Variants in GPR39 observed in about 807,000 individuals in gnomAD.
GPR39 encodes zinc sensing receptor.
In GPR39, 23 loss-of-function variants were observed where a neutral mutation model predicts 18.4. That is an observed-to-expected ratio of 1.25 (90% CI 0.90 to 1.77). The LOEUF (loss-of-function observed/expected upper bound fraction) is 1.77, where lower values mean the gene tolerates loss of function less well. Ranked by LOEUF, GPR39 falls within the 40% of genes most tolerant of loss-of-function variation. The pLI is 0.00. For synonymous variants in GPR39, 280 were observed against 257.9 expected (o/e 1.09, Z -0.82); for missense variants, 647 against 602.4 (o/e 1.07, Z -0.78).
At position 132,565,296 on chromosome 2, in the gene GPR39, C is replaced by G. The variant is rs368416519; in HGVS notation, c.857-79805C>G. On this transcript the variant is annotated intron_variant, in intron 1 of 1. Coordinates refer to ENST00000329321, the MANE Select transcript of GPR39 (RefSeq NM_001508.3). ...CAGAAGGACACTCATAGTGAAACATCGCTCAAGTTGCAGTCTTCCTATGGA... is the reference window on the plus strand; with the variant it reads ...CAGAAGGACACTCATAGTGAAACATGGCTCAAGTTGCAGTCTTCCTATGGA... 2.0e-4 allele frequency among the ~76,000 whole-genome samples: 31 copies of G among 152,024 alleles called. No homozygotes were observed. In the Middle Eastern group the frequency reaches 0.021, roughly 101 times the overall value.
rs1558814495 is a variant in GPR39 at position 132,492,642 on chromosome 2, CTATATATAATATATATACACACCATA to C, written c.856+74803_856+74828del. Among the ~76,000 whole-genome samples, 595 of 118,732 alleles carry C rather than the reference CTATATATAATATATATACACACCATA, an allele frequency of 5.0e-3. 5 individuals are homozygous for C. The highest frequency in any genetic ancestry group is 9.3e-3 in the East Asian group (39 of 4,194). 77.9% of individuals were successfully genotyped at this position (118,732 alleles called of 152,430 possible). A position where few individuals can be genotyped will look rare whatever the true frequency, so the allele number is the denominator to read the frequency against. ...TATATACAATATATATACACACCAT[CTATATATAATATATATACACACCATA>C]TATATATAATATATATACACACCAT... On this transcript the variant is annotated intron_variant, in intron 1 of 1. Coordinates refer to ENST00000329321, the MANE Select transcript of GPR39 (RefSeq NM_001508.3).
At chr2:132,444,065 A>G (rs1215264846) in intron 1 of GPR39, among the ~76,000 whole-genome samples, 2 of 152,060 alleles carry the variant, frequency 1.3e-5, no homozygotes, top group African/African-American at 2.4e-5. Flanking sequence ...ATAGAGTGAG[A>G]CCCTCTCTCA....
At chr2:132,456,115 C>G (rs1159276845) in intron 1 of GPR39, among the ~76,000 whole-genome samples, 1 of 152,138 alleles carries the variant, frequency 6.6e-6, no homozygotes, top group Non-Finnish European at 1.5e-5. Flanking sequence ...GAGTCTAAGT[C>G]TCTTTGTAGG....
intron 1 of GPR39, among the ~76,000 whole-genome samples, chr2:132,430,545 A>C (rs954911684): frequency 6.6e-6 from 1 of 152,176 alleles, no homozygotes; most frequent in Non-Finnish European, 1.5e-5. Context: ...TCAGGGACCT[A>C]GGGAGTAGAA....
chr2:132,488,059 G>T (rs946027249), intron 1 of GPR39, among the ~76,000 whole-genome samples: 1 of 152,178 alleles, frequency 6.6e-6, no homozygotes, highest in Non-Finnish European at 1.5e-5. Context: ...CCCATTTTTA[G>T]GTCCTATTTG....
At chr2:132,473,074 C>T (rs759374997) in intron 1 of GPR39, among the ~76,000 whole-genome samples, 1 of 152,108 alleles carries the variant, frequency 6.6e-6, no homozygotes, top group Non-Finnish European at 1.5e-5. Context: ...TCTCTGTTCC[C>T]CTGGTATCTT....
chr2:132,559,411 T>C (rs1005341079), intron 1 of GPR39, among the ~76,000 whole-genome samples: 1 of 151,996 alleles, frequency 6.6e-6, no homozygotes, highest in African/African-American at 2.4e-5. Flanking sequence ...GCGTAGAAAA[T>C]GGTCTCAGGG....
At chr2:132,612,757 G>A (rs926869807) in intron 1 of GPR39, among the ~76,000 whole-genome samples, 4 of 152,238 alleles carry the variant, frequency 2.6e-5, no homozygotes, top group Non-Finnish European at 5.9e-5. Context: ...ATAGCTGGTA[G>A]TATAAGTCTT....
chr2:132,624,933 G>A (rs1250772536), intron 1 of GPR39, among the ~76,000 whole-genome samples: 1 of 152,106 alleles, frequency 6.6e-6, no homozygotes, highest in Non-Finnish European at 1.5e-5. Flanking sequence ...TTTTCTCTTT[G>A]CATATACTTA....
intron 1 of GPR39, among the ~76,000 whole-genome samples, chr2:132,455,565 G>T (rs1457588105): frequency 6.6e-6 from 1 of 152,104 alleles, no homozygotes. Flanking sequence ...TCTTTTAATT[G>T]TGATGTTAGG....
chr2:132,526,115 A>G (rs546605223), intron 1 of GPR39, among the ~76,000 whole-genome samples: 4 of 152,298 alleles, frequency 2.6e-5, no homozygotes, highest in East Asian at 1.9e-4. Context: ...GAGGCTATTT[A>G]TGGTATTCAT....
At chr2:132,495,118 A>G (rs564830887) in intron 1 of GPR39, among the ~76,000 whole-genome samples, 21 of 152,322 alleles carry the variant, frequency 1.4e-4, no homozygotes, top group African/African-American at 4.3e-4. Context: ...ATGTGCTGTC[A>G]TGAATGGTTC....
Position 132,427,246 on chromosome 2 carries a change from G to T in GPR39, c.856+9348G>T, listed in dbSNP as rs538744207. ...GTGGCACAATCTCAGCTCACTGCAA[G>T]CTCTGCCTCCCAGGTTCATGCCATA... On this transcript the variant is annotated intron_variant, in intron 1 of 1. Coordinates refer to ENST00000329321, the MANE Select transcript of GPR39 (RefSeq NM_001508.3). 3.8e-4 allele frequency among the ~76,000 whole-genome samples: 55 copies of T among 145,692 alleles called. No homozygotes were observed. The South Asian group carries it at 8.9e-3, about 24-fold the overall frequency.
At chr2:132,558,419 T>C (rs1680192547) in intron 1 of GPR39, among the ~76,000 whole-genome samples, 1 of 152,172 alleles carries the variant, frequency 6.6e-6, no homozygotes, top group African/African-American at 2.4e-5. Flanking sequence ...ACTGAGTCTC[T>C]TGACAAATTA....
intron 1 of GPR39, among the ~76,000 whole-genome samples, chr2:132,593,971 A>G (rs948140004): frequency 6.6e-6 from 1 of 152,058 alleles, no homozygotes; most frequent in East Asian, 1.9e-4. Context: ...CCTCCCTGAT[A>G]TTTTGTCCAG....
chr2:132,613,597 A>G (rs1358455124), intron 1 of GPR39, among the ~76,000 whole-genome samples: 1 of 152,238 alleles, frequency 6.6e-6, no homozygotes. Flanking sequence ...TCAGGGGCAG[A>G]AATTCTGCAA....
At chr2:132,597,357 C>T (rs919952203) in intron 1 of GPR39, among the ~76,000 whole-genome samples, 3 of 152,194 alleles carry the variant, frequency 2.0e-5, no homozygotes, top group Non-Finnish European at 2.9e-5. Context: ...CTGAGCTTCT[C>T]CCTGGCTCTG....
chr2:132,470,318 G>T (rs1180612971), intron 1 of GPR39, among the ~76,000 whole-genome samples: 1 of 152,158 alleles, frequency 6.6e-6, no homozygotes, highest in Non-Finnish European at 1.5e-5. Context: ...TTTTCAGTAG[G>T]GTAGTTAGGG....
Position 132,478,099 on chromosome 2 carries a change from T to C in GPR39, c.856+60201T>C, listed in dbSNP as rs958155086. Among the ~76,000 whole-genome samples the C allele has an allele frequency of 2.6e-5, 4 of 152,178 alleles. No individual in the cohort carries two copies. The East Asian group carries it at 7.7e-4, about 29-fold the overall frequency. The stretch of plus-strand genomic sequence containing the variant: ...TTTGAAATCTGGCTGTTCTAGAAAA[T>C]CTGGAATTAATTGGGACTTGGCATT... On this transcript the variant is annotated intron_variant, in intron 1 of 1. Coordinates refer to ENST00000329321, the MANE Select transcript of GPR39 (RefSeq NM_001508.3).
Sources: allele counts gnomAD v4.1 joint callset (sites outside exome capture counted in the v4.1 genomes callset), GRCh38; gene constraint gnomAD v4.1.1; transcripts MANE v1.5; gene names NCBI Gene and HGNC (gene_info 2026-07-23, HGNC 2026-07-21).